ZMAT4: variants seen among roughly 807,000 people sequenced by gnomAD.
ZMAT4 encodes zinc finger matrin-type 4.
In ZMAT4, 17 loss-of-function variants were observed where a neutral mutation model predicts 28.7. That is an observed-to-expected ratio of 0.59 (90% confidence interval 0.41 to 0.89). The LOEUF is 0.89. ZMAT4 is among the 40% of genes least tolerant of loss of function. The pLI, the probability that ZMAT4 is intolerant of heterozygous loss-of-function variation, is 0.00. For missense variants in ZMAT4, 240 were observed against 283.8 expected (o/e 0.85, Z 1.11); for synonymous variants, 117 against 109.2 (o/e 1.07, Z -0.44).
chr8:40,767,549 G>A (rs1813213930), intron 3 of ZMAT4, 92 bp downstream of exon 3: 4 of 1,010,176 alleles, frequency 4.0e-6, no homozygotes, highest in Non-Finnish European at 4.3e-6. Context: ...GCTTTTCTAT[G>A]AATCTGGACT....
intron 3 of ZMAT4, among the ~76,000 whole-genome samples, chr8:40,764,054 C>G (rs914031069): frequency 6.6e-6 from 1 of 151,894 alleles, no homozygotes; most frequent in Non-Finnish European, 1.5e-5. Flanking sequence ...CCATACAGAT[C>G]ATTTTTTCCC....
chr8:40,782,148 G>A (rs1813861365), intron 2 of ZMAT4, among the ~76,000 whole-genome samples: 1 of 152,150 alleles, frequency 6.6e-6, no homozygotes. Context: ...AGCATTTTGG[G>A]AGGCTGAGGT....
chr8:40,836,990 A>G (rs763693564), intron 1 of ZMAT4, among the ~76,000 whole-genome samples: 8 of 152,246 alleles, frequency 5.3e-5, no homozygotes, highest in Non-Finnish European at 1.2e-4. Context: ...AGATACATAC[A>G]TAGACAAATA....
At chr8:40,806,788 T>C (rs1050170173) in intron 2 of ZMAT4, among the ~76,000 whole-genome samples, 4 of 149,270 alleles carry the variant, frequency 2.7e-5, no homozygotes, top group African/African-American at 1.0e-4. Flanking sequence ...TTTTGATGTG[T>C]TTTTTTAAAA....
intron 3 of ZMAT4, among the ~76,000 whole-genome samples, chr8:40,726,174 G>A (rs1811309961): frequency 6.6e-6 from 1 of 152,194 alleles, no homozygotes; most frequent in African/African-American, 2.4e-5. Flanking sequence ...TCCTTGCACA[G>A]ACTGCCCAGA....
At chr8:40,720,890 AG>A (rs986401685) in intron 3 of ZMAT4, among the ~76,000 whole-genome samples, 4 of 144,470 alleles carry the variant, frequency 2.8e-5, no homozygotes, top group African/African-American at 7.5e-5. Context: ...GAGGGAGGGA[AG>A]GGGGGGAAAT....
At chr8:40,582,022 T>C (rs966375968) in intron 5 of ZMAT4, among the ~76,000 whole-genome samples, 4 of 152,182 alleles carry the variant, frequency 2.6e-5, no homozygotes, top group African/African-American at 9.6e-5. Flanking sequence ...ATGAAACATA[T>C]TCCTTCAGCT....
At chr8:40,617,069 T>C (rs1806034008) in intron 5 of ZMAT4, among the ~76,000 whole-genome samples, 1 of 152,106 alleles carries the variant, frequency 6.6e-6, no homozygotes. Flanking sequence ...TTGAGAAGAA[T>C]TTATCATGAT....
At chr8:40,834,064 G>T (rs1234524514) in intron 1 of ZMAT4, among the ~76,000 whole-genome samples, 1 of 152,170 alleles carries the variant, frequency 6.6e-6, no homozygotes, top group African/African-American at 2.4e-5. Context: ...CCTTTTAATG[G>T]CACCATTTTC....
intron 3 of ZMAT4, among the ~76,000 whole-genome samples, chr8:40,723,276 C>A (rs528601982): frequency 3.9e-5 from 6 of 152,252 alleles, no homozygotes; most frequent in South Asian, 2.1e-4. Flanking sequence ...GGCACGGTGG[C>A]TCACGCCTGT....
At chr8:40,790,418 T>C (rs2150578285) in intron 2 of ZMAT4, among the ~76,000 whole-genome samples, 2 of 152,276 alleles carry the variant, frequency 1.3e-5, no homozygotes, top group Middle Eastern at 6.8e-3. Flanking sequence ...AAATTAGAAA[T>C]TGATATTTTT....
At chr8:40,877,721 GAGACGGAGTAGGGAGACAGAGAA>G (rs1818088882) in intron 1 of ZMAT4, among the ~76,000 whole-genome samples, 1 of 152,164 alleles carries the variant, frequency 6.6e-6, no homozygotes, top group South Asian at 2.1e-4. Flanking sequence ...GAGACAGAGA[GAGACGGAGTAGGGAGACAGAGAA>G]AGACGGAGAG....
intron 5 of ZMAT4, among the ~76,000 whole-genome samples, chr8:40,589,998 T>G (rs1227343693): frequency 4.3e-5 from 5 of 115,744 alleles, no homozygotes; most frequent in African/African-American, 1.6e-4. Context: ...CCTTCCTTCC[T>G]TCCTTCCTTC....
intron 3 of ZMAT4, among the ~76,000 whole-genome samples, chr8:40,709,622 C>G (rs1344651783): frequency 6.6e-6 from 1 of 152,078 alleles, no homozygotes. Context: ...TATAAAGGAC[C>G]CAGTGAGAAA....
intron 2 of ZMAT4, among the ~76,000 whole-genome samples, chr8:40,823,167 C>G (rs928494483): frequency 6.6e-6 from 1 of 152,040 alleles, no homozygotes; most frequent in African/African-American, 2.4e-5. Flanking sequence ...GAACACCTGT[C>G]ATGGGCAGGC....
chr8:40,631,940 T>G (rs1359572164), intron 5 of ZMAT4, among the ~76,000 whole-genome samples: 3 of 152,218 alleles, frequency 2.0e-5, no homozygotes, highest in African/African-American at 7.2e-5. Context: ...AAGTCAATAT[T>G]GCCCTGCAGA....
intron 5 of ZMAT4, among the ~76,000 whole-genome samples, chr8:40,673,789 G>T (rs1322051829): frequency 1.3e-5 from 2 of 152,126 alleles, no homozygotes; most frequent in Non-Finnish European, 2.9e-5. Flanking sequence ...CTCACGCTAT[G>T]TTTTCCAAAT....
intron 4 of ZMAT4, among the ~76,000 whole-genome samples, chr8:40,683,749 A>C (rs1809275613): frequency 6.6e-6 from 1 of 152,130 alleles, no homozygotes; most frequent in Admixed American, 6.5e-5. Flanking sequence ...AAATGTTATG[A>C]ATTTTTTTTC....
intron 2 of ZMAT4, among the ~76,000 whole-genome samples, chr8:40,803,017 AT>A (rs1814919360): frequency 6.6e-6 from 1 of 152,226 alleles, no homozygotes; most frequent in Admixed American, 6.5e-5. Context: ...GGACATCCAC[AT>A]ACACAACAAA....
Sources: allele counts gnomAD v4.1 joint callset (sites outside exome capture counted in the v4.1 genomes callset), GRCh38; gene constraint gnomAD v4.1.1; transcripts MANE v1.5; gene names NCBI Gene and HGNC (gene_info 2026-07-23, HGNC 2026-07-21).